Variants in RBFOX1 observed in about 807,000 individuals in gnomAD.
The protein encoded by RBFOX1 is RNA binding protein fox-1 homolog 1.
RBFOX1 carries 8 observed loss-of-function variants against 57.7 expected under a neutral mutation model. That is an observed-to-expected ratio of 0.14 (90% CI 0.08 to 0.25). The LOEUF is 0.25. Among genes scored for constraint, RBFOX1 ranks in the 10% least tolerant of loss-of-function variants. The probability of loss-of-function intolerance (pLI) is 1.00; values close to 1 mark genes in which losing one functional copy is unlikely to be tolerated. For missense variants in RBFOX1, 611 were observed against 548.5 expected (o/e 1.11, Z -1.14); for synonymous variants, 326 against 222.4 (o/e 1.47, Z -4.15).
intron 4 of RBFOX1, among the ~76,000 whole-genome samples, chr16:5,902,036 A>G (rs943621227): frequency 6.6e-6 from 1 of 152,206 alleles, no homozygotes; most frequent in Admixed American, 6.5e-5. Flanking sequence ...CATAGTACTT[A>G]TAACGTGGAT....
At chr16:6,163,360 G>T (rs553046501) in intron 1 of RBFOX1, among the ~76,000 whole-genome samples, 4 of 152,308 alleles carry the variant, frequency 2.6e-5, no homozygotes, top group African/African-American at 9.6e-5. Context: ...TGTTAAAACA[G>T]ATTTCATCTG....
At chr16:6,849,142 T>G (rs1488682606) in intron 3 of RBFOX1, among the ~76,000 whole-genome samples, 2 of 151,798 alleles carry the variant, frequency 1.3e-5, no homozygotes, top group Non-Finnish European at 2.9e-5. Flanking sequence ...CCCCAGAGAG[T>G]GAAACAAAGG....
chr16:7,356,519 G>A (rs956131675), intron 4 of RBFOX1, among the ~76,000 whole-genome samples: 4 of 152,254 alleles, frequency 2.6e-5, no homozygotes, highest in South Asian at 2.1e-4. Context: ...AGGAAATGAT[G>A]TCGGGTGGTA....
intron 3 of RBFOX1, among the ~76,000 whole-genome samples, chr16:6,716,161 T>A (rs2064777478): frequency 1.3e-5 from 2 of 152,256 alleles, no homozygotes; most frequent in Non-Finnish European, 1.5e-5. Context: ...GGTTGCTTTA[T>A]TTGTAAAATA....
intron 3 of RBFOX1, among the ~76,000 whole-genome samples, chr16:6,895,318 A>G (rs966072956): frequency 6.6e-6 from 1 of 151,340 alleles, no homozygotes; most frequent in African/African-American, 2.4e-5. Flanking sequence ...AACTGGTTCC[A>G]TTCATGATGA....
intron 3 of RBFOX1, among the ~76,000 whole-genome samples, chr16:6,985,175 T>G (rs111374278): frequency 7.2e-6 from 1 of 138,224 alleles, no homozygotes; most frequent in African/African-American, 2.7e-5. Flanking sequence ...ATAGTATGGT[T>G]TAAAATGTGA....
intron 2 of RBFOX1, among the ~76,000 whole-genome samples, chr16:5,487,853 A>G (rs1458944974): frequency 2.0e-5 from 3 of 152,038 alleles, no homozygotes; most frequent in Non-Finnish European, 2.9e-5. Flanking sequence ...CGTGGGCATG[A>G]TGATGATGAT....
At chr16:6,982,200 G>C (rs951529103) in intron 3 of RBFOX1, among the ~76,000 whole-genome samples, 2 of 152,170 alleles carry the variant, frequency 1.3e-5, no homozygotes, top group South Asian at 2.1e-4. Flanking sequence ...AGAAACCTGA[G>C]AATGGTCCTG....
intron 2 of RBFOX1, among the ~76,000 whole-genome samples, chr16:5,505,020 G>C (rs995173180): frequency 6.6e-6 from 1 of 152,208 alleles, no homozygotes; most frequent in Non-Finnish European, 1.5e-5. Context: ...AGTGATGAAC[G>C]TGTTCTAAAG....
chr16:5,587,133 A>T (rs923545722), intron 2 of RBFOX1, among the ~76,000 whole-genome samples: 1 of 152,208 alleles, frequency 6.6e-6, no homozygotes, highest in African/African-American at 2.4e-5. Flanking sequence ...ATGCTTTAGG[A>T]TAAGACACTG....
intron 3 of RBFOX1, among the ~76,000 whole-genome samples, chr16:6,695,299 A>G (rs1053340633): frequency 3.3e-5 from 5 of 151,064 alleles, no homozygotes; most frequent in African/African-American, 9.7e-5. Context: ...AGTGCCTGTA[A>G]TAGGTACTCA....
At chr16:6,405,548 C>T (rs981505682) in intron 2 of RBFOX1, among the ~76,000 whole-genome samples, 3 of 152,118 alleles carry the variant, frequency 2.0e-5, no homozygotes, top group African/African-American at 7.2e-5. Context: ...CTTAGGCCTG[C>T]AAGTGAAACT....
chr16:7,165,963 C>CACACACACACACAT (rs1251061172), intron 4 of RBFOX1, among the ~76,000 whole-genome samples: 9 of 76,042 alleles, frequency 1.2e-4, no homozygotes, highest in African/African-American at 3.2e-4. Context: ...CACACACACA[C>CACACACACACACAT]ACATACATAC....
At chr16:7,304,922 GT>G (rs1247585291) in intron 4 of RBFOX1, among the ~76,000 whole-genome samples, 9 of 3,250 alleles carry the variant, frequency 2.8e-3, no homozygotes, top group African/African-American at 4.6e-3. Context: ...TGTGGTGTGT[GT>G]GTGTGTGTGT....
At chr16:6,965,678 A>G (rs928409414) in intron 3 of RBFOX1, among the ~76,000 whole-genome samples, 1 of 152,198 alleles carries the variant, frequency 6.6e-6, no homozygotes, top group African/African-American at 2.4e-5. Flanking sequence ...ATGTGAGTCC[A>G]GTGACTATAT....
At chr16:7,380,281 A>G (rs761132167) in intron 4 of RBFOX1, among the ~76,000 whole-genome samples, 1 of 152,192 alleles carries the variant, frequency 6.6e-6, no homozygotes, top group Non-Finnish European at 1.5e-5. Context: ...TAAAATAAAA[A>G]ATGTTTTTTC....
chr16:5,545,696 A>G (rs1164620477), intron 2 of RBFOX1, among the ~76,000 whole-genome samples: 2 of 152,116 alleles, frequency 1.3e-5, no homozygotes, highest in East Asian at 3.9e-4. Context: ...ATGTAAGGAA[A>G]TTACTTTGAT....
Position 7,081,413 on chromosome 16 carries a change from C to G in RBFOX1, c.27+29315C>G, listed in dbSNP as rs372773010. On this transcript the variant is annotated intron_variant, in intron 4 of 15. Coordinates refer to ENST00000550418, the MANE Select transcript of RBFOX1 (RefSeq NM_018723.4). Reference sequence around the variant, plus strand: ...CCTGTTTGTGTGTTTGTGTCCTAAACTTTAGCTATTATAACTTGGCCACTC... The same window carrying G: ...CCTGTTTGTGTGTTTGTGTCCTAAAGTTTAGCTATTATAACTTGGCCACTC... Among the ~76,000 whole-genome samples, 9 of 152,276 alleles carry G rather than the reference C, an allele frequency of 5.9e-5. No individual in the cohort carries two copies. In the South Asian group the frequency reaches 1.0e-3, roughly 18 times the overall value.
At chr16:6,917,682 TGCTGTGTGATGAGTA>T (rs1429879012) in intron 3 of RBFOX1, among the ~76,000 whole-genome samples, 1 of 152,182 alleles carries the variant, frequency 6.6e-6, no homozygotes, top group Non-Finnish European at 1.5e-5. Context: ...AGGGTCTGTG[TGCTGTGTGATGAGTA>T]GACTCTTCCC....
Sources: allele counts gnomAD v4.1 joint callset (sites outside exome capture counted in the v4.1 genomes callset), GRCh38; gene constraint gnomAD v4.1.1; transcripts MANE v1.5; gene names NCBI Gene and HGNC (gene_info 2026-07-23, HGNC 2026-07-21).